Variants in DLGAP1 observed in about 807,000 individuals in gnomAD.
DLGAP1 encodes disks large-associated protein 1.
Under a neutral mutation model 90.8 loss-of-function variants are expected in DLGAP1, and 11 were observed. That is an observed-to-expected ratio of 0.12 (90% CI 0.08 to 0.20). The LOEUF is 0.20. Among genes scored for constraint, DLGAP1 ranks in the 10% least tolerant of loss-of-function variants. The pLI, the probability that DLGAP1 is intolerant of heterozygous loss-of-function variation, is 1.00. For missense variants in DLGAP1, 1,050 were observed against 1,333.8 expected (o/e 0.79, Z 3.31); for synonymous variants, 558 against 540.7 (o/e 1.03, Z -0.44).
intron 1 of DLGAP1, among the ~76,000 whole-genome samples, chr18:4,292,189 T>C (rs987026089): frequency 2.6e-5 from 4 of 152,152 alleles, no homozygotes; most frequent in African/African-American, 9.7e-5. Flanking sequence ...TTGCCCTAAT[T>C]AGGCAGCATT....
intron 3 of DLGAP1, among the ~76,000 whole-genome samples, chr18:3,920,626 C>A (rs185325808): frequency 7.3e-4 from 111 of 152,190 alleles, no homozygotes; most frequent in Admixed American, 2.0e-3. Context: ...CATTGCATTG[C>A]CTTGCACTTG....
chr18:4,301,164 G>A (rs980881060), intron 1 of DLGAP1, among the ~76,000 whole-genome samples: 2 of 151,944 alleles, frequency 1.3e-5, no homozygotes, highest in East Asian at 3.9e-4. Flanking sequence ...TAGTGATTTT[G>A]AAATGTACAA....
rs1360801014 is a variant in DLGAP1, at chr18:4,454,194, G to A, written c.-267+812C>T. Among the ~76,000 whole-genome samples the A allele has an allele frequency of 1.3e-5, 2 of 152,222 alleles. No homozygotes were observed. The highest frequency in any genetic ancestry group is 4.8e-5 in the African/African-American group (2 of 41,474). ...CTTCATCGCCGCGGGCCCTCCGAAGGTGCCTCTCCCAGCTGCAGCCGCCCC... is the reference window on the plus strand; with the variant it reads ...CTTCATCGCCGCGGGCCCTCCGAAGATGCCTCTCCCAGCTGCAGCCGCCCC... On this transcript the variant is annotated intron_variant, in intron 1 of 12. Coordinates refer to ENST00000315677, the MANE Select transcript of DLGAP1 (RefSeq NM_004746.4). The surrounding 1 kb of genome is among the most constrained non-coding windows in gnomAD (Gnocchi z 4.7).
chr18:4,219,657 T>C (rs967884196), intron 1 of DLGAP1, among the ~76,000 whole-genome samples: 2 of 152,090 alleles, frequency 1.3e-5, no homozygotes, highest in African/African-American at 4.8e-5. Flanking sequence ...GATTTTTGTG[T>C]ATGGTATTAA....
intron 11 of DLGAP1, among the ~76,000 whole-genome samples, chr18:3,505,974 C>T (rs1468646653): frequency 1.3e-5 from 2 of 152,178 alleles, no homozygotes; most frequent in Non-Finnish European, 2.9e-5. Context: ...CGGTGGCTCA[C>T]ACCTGTAATC....
At chr18:4,195,310 A>G (rs2077476314) in intron 1 of DLGAP1, among the ~76,000 whole-genome samples, 1 of 152,130 alleles carries the variant, frequency 6.6e-6, no homozygotes, top group Non-Finnish European at 1.5e-5. Context: ...CTATGCTTGG[A>G]TAAACAAGCC....
chr18:4,033,940 T>G (rs144086388), intron 2 of DLGAP1, among the ~76,000 whole-genome samples: 1 of 151,800 alleles, frequency 6.6e-6, no homozygotes, highest in South Asian at 2.1e-4. Flanking sequence ...GGTTTCACTG[T>G]GTTAGCCAGG....
chr18:3,496,160 A>G lies in DLGAP1; in HGVS notation c.*3025T>C, dbSNP rs1233028794. 1.3e-5 allele frequency: 2 copies of G among 152,232 alleles called. No homozygotes were observed. Among genetic ancestry groups the G allele is most frequent in the Non-Finnish European group, 2.9e-5 (2 of 68,040 alleles). The allele number at this position is 152,232 out of a possible 1,614,324, so 9.4% of individuals were successfully genotyped here. A position where few individuals can be genotyped will look rare whatever the true frequency, so the allele number is the denominator to read the frequency against. ...CTATGAAATTCCAATTCATAAAGCC[A>G]TAAAAATGTTCCCACCCCTCCATCT... On this transcript the variant is annotated 3_prime_UTR_variant, in exon 13 of 13. Coordinates refer to ENST00000315677, the MANE Select transcript of DLGAP1 (RefSeq NM_004746.4).
intron 1 of DLGAP1, among the ~76,000 whole-genome samples, chr18:4,290,548 T>C (rs2079821006): frequency 6.6e-6 from 1 of 152,234 alleles, no homozygotes; most frequent in Non-Finnish European, 1.5e-5. Flanking sequence ...ACGGTCACTG[T>C]CGGGGAGAAG....
intron 1 of DLGAP1, among the ~76,000 whole-genome samples, chr18:4,451,904 T>C (rs1489647435): frequency 1.3e-5 from 2 of 152,162 alleles, no homozygotes; most frequent in Non-Finnish European, 2.9e-5. Flanking sequence ...AGATTATAAC[T>C]ATGAGAAGTG....
chr18:4,232,721 G>A (rs1441252097), intron 1 of DLGAP1, among the ~76,000 whole-genome samples: 1 of 152,142 alleles, frequency 6.6e-6, no homozygotes, highest in Non-Finnish European at 1.5e-5. Flanking sequence ...CTCAATCCAT[G>A]GTCAAGGAAA....
chr18:3,607,013 G>A (rs1241323805), intron 7 of DLGAP1: 1 of 151,314 alleles, frequency 6.6e-6, no homozygotes, highest in Non-Finnish European at 1.5e-5. Flanking sequence ...AATTTTAGTA[G>A]AGAAGGGGTT....
intron 6 of DLGAP1, among the ~76,000 whole-genome samples, chr18:3,741,306 A>AC (rs530779179): frequency 3.5e-4 from 27 of 77,112 alleles, no homozygotes; most frequent in African/African-American, 1.0e-3. Flanking sequence ...CCACCACATC[A>AC]CATCACCACC....
intron 1 of DLGAP1, among the ~76,000 whole-genome samples, chr18:4,161,539 T>C (rs1490958806): frequency 1.3e-5 from 2 of 152,172 alleles, no homozygotes; most frequent in African/African-American, 2.4e-5. Context: ...TTGTGAATAG[T>C]GCTGCAATGA....
intron 1 of DLGAP1, among the ~76,000 whole-genome samples, chr18:4,255,454 A>C (rs2145221635): frequency 6.6e-6 from 1 of 151,290 alleles, no homozygotes; most frequent in South Asian, 2.1e-4. Context: ...CTATGTATAT[A>C]CAGCCAAAAG....
Position 4,082,540 on chromosome 18 carries a change from G to A in DLGAP1, c.-159+68640C>T, listed in dbSNP as rs377643723. Among the ~76,000 whole-genome samples, 236 of 112,934 alleles carry A rather than the reference G, an allele frequency of 2.1e-3. 2 individuals are homozygous for A. The highest frequency in any genetic ancestry group is 8.1e-3 in the African/African-American group (229 of 28,222). 74.1% of individuals were successfully genotyped at this position (112,934 alleles called of 152,430 possible). A position where few individuals can be genotyped will look rare whatever the true frequency, so the allele number is the denominator to read the frequency against. On this transcript the variant is annotated intron_variant, in intron 2 of 12. Coordinates refer to ENST00000315677, the MANE Select transcript of DLGAP1 (RefSeq NM_004746.4). ...AAAAAAAAAAAAAAAAAAAAGAAGGGTGTATAACCATCAGTACCCCATTCC... is the reference window on the plus strand; with the variant it reads ...AAAAAAAAAAAAAAAAAAAAGAAGGATGTATAACCATCAGTACCCCATTCC...
intron 5 of DLGAP1, among the ~76,000 whole-genome samples, chr18:3,781,326 T>C (rs8092972): frequency 2.0e-5 from 3 of 151,886 alleles, no homozygotes; most frequent in Admixed American, 6.6e-5. Flanking sequence ...TTCCTACTAA[T>C]GGACAGAAAT....
At chr18:4,447,117 T>C (rs921333858) in intron 1 of DLGAP1, among the ~76,000 whole-genome samples, 1 of 152,198 alleles carries the variant, frequency 6.6e-6, no homozygotes, top group African/African-American at 2.4e-5. Flanking sequence ...ATTTGCATTA[T>C]CTGCTAGATG....
chr18:4,444,072 A>C (rs1474751051), intron 1 of DLGAP1, among the ~76,000 whole-genome samples: 1 of 152,212 alleles, frequency 6.6e-6, no homozygotes, highest in Non-Finnish European at 1.5e-5. Flanking sequence ...GAGGCAGAAG[A>C]TAAGCCCCAG....
Sources: gnomAD v4.1 joint callset for allele counts (sites outside exome capture counted in the v4.1 genomes callset) on GRCh38, gnomAD v4.1.1 for gene constraint, Gnocchi (gnomAD v3.1) non-coding constraint, MANE v1.5 for transcripts, NCBI Gene and HGNC (gene_info 2026-07-23, HGNC 2026-07-21) for gene names.